The following RANGAP1 variants were observed in gnomAD, a reference collection of about 807,000 sequenced individuals.
The protein encoded by RANGAP1 is Ran GTPase activating protein 1, also known as ran GTPase-activating protein 1.
A neutral mutation model predicts 63.5 loss-of-function variants in RANGAP1; 38 were observed. The ratio of observed to expected loss-of-function variants is 0.60; its 90% CI spans 0.46 to 0.78. The LOEUF (loss-of-function observed/expected upper bound fraction) is 0.78, where lower values mean the gene tolerates loss of function less well. Among genes scored for constraint, RANGAP1 ranks in the 30% least tolerant of loss-of-function variants. The pLI is 0.00. For missense variants in RANGAP1, 630 were observed against 740.3 expected (o/e 0.85, Z 1.73); for synonymous variants, 329 against 310.5 (o/e 1.06, Z -0.63).
intron 5 of RANGAP1, among the ~76,000 whole-genome samples, chr22:41,262,300 A>G (rs1216611980): frequency 6.6e-6 from 1 of 152,204 alleles, no homozygotes; most frequent in Non-Finnish European, 1.5e-5. Context: ...TGGGAATCAG[A>G]GCCCATGGTA....
At chr22:41,297,730 G>A in the RANGAP1 span, among the ~76,000 whole-genome samples, 15 of 125,928 alleles carry the variant, frequency 1.2e-4, no homozygotes, top group East Asian at 2.0e-3. Flanking sequence ...TTGCTCTATC[G>A]CCCAAGCTGG....
chr22:41,252,561 G>A (rs188234401), intron 12 of RANGAP1, among the ~76,000 whole-genome samples: 6 of 152,274 alleles, frequency 3.9e-5, no homozygotes, highest in African/African-American at 7.2e-5. Context: ...CTGGGCTGAC[G>A]GAACACGCAG....
At chr22:41,277,631 A>G (rs1444017499) in intron 2 of RANGAP1, 2 of 566,512 alleles carry the variant, frequency 3.5e-6, no homozygotes, top group Non-Finnish European at 5.0e-6. Flanking sequence ...GGGCTCCCTA[A>G]GAAGTTGTCC....
intron 12 of RANGAP1, 118 bp from the exon 13 acceptor site, chr22:41,251,227 C>T: frequency 1.4e-6 from 1 of 689,696 alleles, no homozygotes; most frequent in Non-Finnish European, 2.5e-6. Flanking sequence ...AAGAACAGGT[C>T]CTGCCTTACC....
At chr22:41,275,775 T>C (rs2035101696) in intron 2 of RANGAP1, among the ~76,000 whole-genome samples, 1 of 141,726 alleles carries the variant, frequency 7.1e-6, no homozygotes, top group South Asian at 2.4e-4. Context: ...TGAGACTCTG[T>C]CTCAAGAAAA....
chr22:41,277,071 ATT>A (rs1033324630), intron 2 of RANGAP1, among the ~76,000 whole-genome samples: 68 of 90,228 alleles, frequency 7.5e-4, no homozygotes, highest in African/African-American at 3.3e-3. Context: ...GAAAGTGAGG[ATT>A]TTTTTTTTTT....
At position 41,257,199 on chromosome 22, in the gene RANGAP1, G is replaced by C. The variant is rs184816713; in HGVS notation, c.775-375C>G. Among the ~76,000 whole-genome samples the C allele has an allele frequency of 7.9e-5, 12 of 152,228 alleles. No individual in the cohort carries two copies. Among genetic ancestry groups the C allele is most frequent in the African/African-American group, 2.9e-4 (12 of 41,534 alleles). On this transcript the variant is annotated intron_variant, in intron 7 of 15. Transcript: ENST00000356244. This position sits in a 1 kb window ranked among gnomAD's most constrained non-coding sequence, Gnocchi z 4.0. ...ATCTCTTCCAGGAAGCCTGCCCTAA[G>C]TCTGATTTGAACTTCCTTCTGGCGT...
chr22:41,246,563 G>C lies in RANGAP1; in HGVS notation c.*40C>G. 1.3e-6 allele frequency: 2 copies of C among 1,493,692 alleles called. No individual in the cohort carries two copies. The highest frequency in any genetic ancestry group is 1.8e-6 in the Non-Finnish European group (2 of 1,093,050). 92.5% of individuals were successfully genotyped at this position (1,493,692 alleles called of 1,614,324 possible). On this transcript the variant is annotated 3_prime_UTR_variant, in exon 16 of 16. Transcript: ENST00000356244. ...CTCAGTTCATCCGAGTCCCTCCCCA[G>C]CTCACTGGTCCAGGCCAAGGGATGG...
chr22:41,271,967 T>C (rs997996421), intron 3 of RANGAP1, among the ~76,000 whole-genome samples: 2 of 152,168 alleles, frequency 1.3e-5, no homozygotes, highest in Non-Finnish European at 2.9e-5. Flanking sequence ...AGCCACTGCA[T>C]CTGTAGCAGG....
At chr22:41,273,700 G>A (rs1041105034) in intron 3 of RANGAP1, among the ~76,000 whole-genome samples, 3 of 142,876 alleles carry the variant, frequency 2.1e-5, no homozygotes, top group Non-Finnish European at 4.5e-5. Context: ...CTGGGAGGTG[G>A]AGGTTGCAGC....
At chr22:41,274,090 A>C (rs1484279683) in intron 3 of RANGAP1, among the ~76,000 whole-genome samples, 1 of 152,210 alleles carries the variant, frequency 6.6e-6, no homozygotes, top group Non-Finnish European at 1.5e-5. Flanking sequence ...AAAACAAAAA[A>C]AGAGAACTTG....
the RANGAP1 span, among the ~76,000 whole-genome samples, chr22:41,293,592 C>A: frequency 1.3e-5 from 2 of 151,732 alleles, no homozygotes; most frequent in Non-Finnish European, 2.9e-5. Flanking sequence ...TCCTGGCTCA[C>A]ACGGTGAAAC....
upstream of RANGAP1, among the ~76,000 whole-genome samples, chr22:41,290,924 C>T (rs1601744728): frequency 6.6e-6 from 1 of 152,194 alleles, no homozygotes; most frequent in African/African-American, 2.4e-5. Flanking sequence ...TCGCCTGCAG[C>T]CCCTGGAGAG....
At chr22:41,281,126 G>A in intron 1 of RANGAP1, 44 bp from the exon 2 acceptor site, 1 of 1,492,978 alleles carries the variant, frequency 6.7e-7, no homozygotes, top group Non-Finnish European at 8.9e-7. Flanking sequence ...GTCTCCTGGG[G>A]CCCCTGGTTG....
intron 12 of RANGAP1, among the ~76,000 whole-genome samples, chr22:41,251,627 GAAA>G (rs5845493): frequency 8.9e-6 from 1 of 112,736 alleles, no homozygotes. Context: ...CATTGTCTCA[GAAA>G]AAAAAAAAAA....
the RANGAP1 span, among the ~76,000 whole-genome samples, chr22:41,293,751 ACT>A: frequency 7.2e-6 from 1 of 138,190 alleles, no homozygotes; most frequent in Non-Finnish European, 1.5e-5. Context: ...TGCACTCCAG[ACT>A]CTGTCTCAAA....
At chr22:41,256,147 G>A in intron 9 of RANGAP1, 42 bp from the exon 10 acceptor site, 1 of 1,613,614 alleles carries the variant, frequency 6.2e-7, no homozygotes, top group Non-Finnish European at 8.5e-7. Context: ...GGGTGCCAGG[G>A]CCAGCCTAGC....
intron 13 of RANGAP1, among the ~76,000 whole-genome samples, chr22:41,250,441 T>TCAGGTTTC (rs1214771091): frequency 1.3e-5 from 2 of 152,146 alleles, no homozygotes; most frequent in Non-Finnish European, 2.9e-5. Flanking sequence ...CGGAACTGGC[T>TCAGGTTTC]CAGGTTTCGT....
chr22:41,246,554 C>G lies in RANGAP1; in HGVS notation c.*49G>C. 1 of 1,482,610 alleles carries G rather than the reference C, an allele frequency of 6.7e-7. No individual in the cohort carries two copies. Among genetic ancestry groups the G allele is most frequent in the Non-Finnish European group, 9.2e-7 (1 of 1,083,988 alleles). 91.8% of individuals were successfully genotyped at this position (1,482,610 alleles called of 1,614,324 possible). ...AGGCTGCGCCTCAGTTCATCCGAGT[C>G]CCTCCCCAGCTCACTGGTCCAGGCC... is the stretch of plus-strand genomic sequence containing the variant. On this transcript the variant is annotated 3_prime_UTR_variant, in exon 16 of 16. Transcript: ENST00000356244.
Sources: gnomAD v4.1 joint callset for allele counts (sites outside exome capture counted in the v4.1 genomes callset) on GRCh38, gnomAD v4.1.1 for gene constraint, Gnocchi (gnomAD v3.1) non-coding constraint, MANE v1.5 for transcripts, NCBI Gene and HGNC (gene_info 2026-07-23, HGNC 2026-07-21) for gene names.